Variants in VSTM4 observed in about 807,000 individuals in gnomAD.
VSTM4 encodes the protein V-set and transmembrane domain-containing protein 4.
VSTM4 carries 20 observed loss-of-function variants against 36.4 expected under a neutral mutation model. The observed-to-expected ratio is 0.55, with a 90% CI of 0.39 to 0.80. The LOEUF is 0.80. Ranked by LOEUF, VSTM4 falls within the 30% of genes least tolerant of loss-of-function variation. The pLI is 0.00. For synonymous variants in VSTM4, 182 were observed against 173.9 expected (o/e 1.05, Z -0.37); for missense variants, 392 against 404.5 (o/e 0.97, Z 0.26).
intron 7 of VSTM4, among the ~76,000 whole-genome samples, chr10:49,024,070 A>C (rs2131932085): frequency 6.6e-6 from 1 of 152,300 alleles, no homozygotes; most frequent in South Asian, 2.1e-4. Flanking sequence ...GAACTTTCTA[A>C]ATATGTGAGA....
chr10:49,102,802 G>C (rs571739607), intron 2 of VSTM4: 1 of 956,520 alleles, frequency 1.0e-6, no homozygotes, highest in Non-Finnish European at 1.2e-6. Context: ...AGGATCAACT[G>C]TGTACCAGGC....
At chr10:49,077,378 A>T in intron 3 of VSTM4, 52 bp from the exon 4 acceptor site, 2 of 1,527,700 alleles carry the variant, frequency 1.3e-6, no homozygotes, top group Non-Finnish European at 1.8e-6. Flanking sequence ...CCGCAGCAGA[A>T]GTGCGCTGGC....
chr10:49,108,459 G>A (rs1009904336), intron 1 of VSTM4, among the ~76,000 whole-genome samples: 3 of 152,160 alleles, frequency 2.0e-5, no homozygotes, highest in African/African-American at 7.2e-5. Flanking sequence ...CTGTGGGTGG[G>A]GAGCCGCCCT....
At chr10:49,040,072 G>T (rs1843496001) in intron 7 of VSTM4, among the ~76,000 whole-genome samples, 1 of 152,110 alleles carries the variant, frequency 6.6e-6, no homozygotes, top group Admixed American at 6.5e-5. Context: ...CACCCCAAGG[G>T]GATGAGGGAG....
At chr10:49,022,874 A>G (rs977046495) in intron 7 of VSTM4, among the ~76,000 whole-genome samples, 3 of 152,092 alleles carry the variant, frequency 2.0e-5, no homozygotes, top group African/African-American at 7.2e-5. Flanking sequence ...AAGTTATTCC[A>G]TTACGTTTGG....
At position 49,048,579 on chromosome 10, in the gene VSTM4, C is replaced by T. The variant is rs764695395; in HGVS notation, c.674G>A (p.Gly225Glu). The T allele has an allele frequency of 1.3e-6, 2 of 1,580,788 alleles. No individual in the cohort carries two copies. The highest frequency in any genetic ancestry group is 1.7e-6 in the Non-Finnish European group (2 of 1,169,836). The change falls in exon 6 of 8, where the codon GGG (glycine) becomes GAG (glutamate). Residue 225 changes from glycine (G) to glutamate (E), a missense_variant. By Grantham distance (98) the Gly-to-Glu change is moderately conservative. Transcript: ENST00000332853. ...YLVKCPQNSS[G>E]ETVTSVTSLA... ...GCTGGTCACGCTAGTGACAGTCTCC[C>T]CTGAGCTGTAGAAGAAAAAGTTTCC...
rs1844362846 is a variant in VSTM4 at position 49,085,936 on chromosome 10, AG to A, written c.526+18del. 4 of 1,514,058 alleles carry A rather than the reference AG, an allele frequency of 2.6e-6. No individual in the cohort carries two copies. The highest frequency in any genetic ancestry group is 2.1e-5 in the Admixed American group (1 of 46,810). 93.8% of individuals were successfully genotyped at this position (1,514,058 alleles called of 1,614,324 possible). ...AAGCAACTATAGAGCAATAAAAAAA[AG>A]AAATATACAAGCTTTACCTTCAAAA... On this transcript the variant is annotated intron_variant, in intron 3 of 7. Transcript: ENST00000332853.
At chr10:49,053,149 C>G (rs1462569255) in intron 5 of VSTM4, among the ~76,000 whole-genome samples, 1 of 152,216 alleles carries the variant, frequency 6.6e-6, no homozygotes, top group Admixed American at 6.5e-5. Flanking sequence ...AGACAGAAAA[C>G]AGGCCCGCCC....
At chr10:49,073,764 T>C (rs943331886) in intron 4 of VSTM4, among the ~76,000 whole-genome samples, 14 of 152,174 alleles carry the variant, frequency 9.2e-5, no homozygotes, top group African/African-American at 3.1e-4. Context: ...TATAGGAAAG[T>C]CCACAAATGA....
intron 7 of VSTM4, among the ~76,000 whole-genome samples, chr10:49,022,362 C>T (rs958303036): frequency 6.6e-6 from 1 of 152,098 alleles, no homozygotes; most frequent in Admixed American, 6.5e-5. Context: ...AACTAAACCA[C>T]CTTCATTCAA....
chr10:49,115,447 CGCCAGCAGCGCGGCCGCCGCCAGT>C lies in VSTM4; in HGVS notation c.15_38del (p.Leu6_Ala13del). On this transcript the variant is annotated inframe_deletion, in exon 1 of 8. Transcript: ENST00000332853. ...CGCGCTTACCCGGAGCCGGAGCCCG[CGCCAGCAGCGCGGCCGCCGCCAGT>C]GCCAGCAGCCGCATCTCCCCGCCGC... The C allele has an allele frequency of 2.9e-6, 3 of 1,043,070 alleles. No individual in the cohort carries two copies. Among genetic ancestry groups the C allele is most frequent in the Non-Finnish European group, 3.5e-6 (3 of 862,178 alleles). The allele number at this position is 1,043,070 out of a possible 1,614,324, so 64.6% of individuals were successfully genotyped here.
At position 49,107,693 on chromosome 10, in the gene VSTM4, A is replaced by C. The variant is rs779945687; in HGVS notation, c.358T>G (p.Ser120Ala). 3 of 1,614,180 alleles carry C rather than the reference A, an allele frequency of 1.9e-6. No individual in the cohort carries two copies. Among genetic ancestry groups the C allele is most frequent in the Non-Finnish European group, 2.5e-6 (3 of 1,180,030 alleles). The change falls in exon 2 of 8, where the codon TCC (serine) becomes GCC (alanine). Residue 120 changes from serine to alanine, a missense_variant. Transcript: ENST00000332853. ...CTGCAGACGTAATGCCCTTGATCGGAGGGCTGCAGTGTCAAGACGGAGAGC... is the reference window on the plus strand; with the variant it reads ...CTGCAGACGTAATGCCCTTGATCGGCGGGCTGCAGTGTCAAGACGGAGAGC... ...YRLSVLTLQP[S>A]DQGHYVCRVQ...
intron 2 of VSTM4, among the ~76,000 whole-genome samples, chr10:49,099,467 T>C (rs1241574005): frequency 6.6e-6 from 1 of 152,256 alleles, no homozygotes; most frequent in Non-Finnish European, 1.5e-5. Flanking sequence ...TTGCATTTTC[T>C]AGAAAGTTCA....
At chr10:49,046,961 A>T in intron 7 of VSTM4, 22 bp downstream of exon 7, 1 of 1,611,248 alleles carries the variant, frequency 6.2e-7, no homozygotes, top group Non-Finnish European at 8.5e-7. Flanking sequence ...GTATGATAGG[A>T]ATACAGAAGA....
At position 49,046,602 on chromosome 10, in the gene VSTM4, A is replaced by T. The variant is rs79893364; in HGVS notation, c.837+381T>A. On this transcript the variant is annotated intron_variant, in intron 7 of 7. Coordinates refer to ENST00000332853, the MANE Select transcript of VSTM4 (RefSeq NM_001031746.5). ...GTGCCAGCTTTACAACTTTTCTGTA[A>T]ATCTAAAATTGTTCAAAATCAAAAG... 0.011 allele frequency among the ~76,000 whole-genome samples: 1,605 copies of T among 152,340 alleles called. 60 individuals are homozygous for T. The South Asian group carries it at 0.12, about 12-fold the overall frequency.
intron 7 of VSTM4, among the ~76,000 whole-genome samples, chr10:49,033,814 C>T (rs543095746): frequency 1.3e-5 from 2 of 152,302 alleles, no homozygotes; most frequent in African/African-American, 4.8e-5. Context: ...AGTGCTTCTC[C>T]TGGTAAGCAC....
intron 5 of VSTM4, among the ~76,000 whole-genome samples, chr10:49,063,788 C>A (rs1843923985): frequency 6.6e-6 from 1 of 152,166 alleles, no homozygotes; most frequent in Non-Finnish European, 1.5e-5. Flanking sequence ...TGTCTAGGTG[C>A]CTCTTGCTGG....
intron 3 of VSTM4, 67 bp downstream of exon 3, chr10:49,085,888 A>C (rs764243325): frequency 1.2e-5 from 12 of 1,043,398 alleles, no homozygotes; most frequent in Non-Finnish European, 1.7e-5. Flanking sequence ...TTAAAGTATA[A>C]TTTAAAAAAA....
chr10:49,042,013 T>G (rs998792764), intron 7 of VSTM4, among the ~76,000 whole-genome samples: 5 of 152,210 alleles, frequency 3.3e-5, no homozygotes, highest in South Asian at 2.1e-4. Flanking sequence ...CTGTAGTCAC[T>G]CTTAAGGTAG....
Sources: allele counts gnomAD v4.1 joint callset (sites outside exome capture counted in the v4.1 genomes callset), GRCh38; gene constraint gnomAD v4.1.1; transcripts MANE v1.5; gene names NCBI Gene and HGNC (gene_info 2026-07-23, HGNC 2026-07-21).